The following KCND2 variants were observed in gnomAD, a reference collection of about 807,000 sequenced individuals.
KCND2 encodes potassium voltage-gated channel subfamily D member 2.
A neutral mutation model predicts 54.4 loss-of-function variants in KCND2; 16 were observed. The observed-to-expected ratio is 0.29, with a 90% CI of 0.20 to 0.45. The LOEUF is 0.45. Ranked by LOEUF, KCND2 falls within the 20% of genes least tolerant of loss-of-function variation. The pLI is 1.00. For missense variants in KCND2, 486 were observed against 824.2 expected (o/e 0.59, Z 5.02); for synonymous variants, 317 against 310.7 (o/e 1.02, Z -0.21).
intron 1 of KCND2, among the ~76,000 whole-genome samples, chr7:120,337,186 A>G (rs938233894): frequency 6.6e-6 from 1 of 152,208 alleles, no homozygotes; most frequent in East Asian, 1.9e-4. Context: ...GAGGAACTGG[A>G]TAATATTGTT....
At chr7:120,512,174 T>A (rs180749915) in intron 1 of KCND2, among the ~76,000 whole-genome samples, 60 of 152,180 alleles carry the variant, frequency 3.9e-4, no homozygotes, top group African/African-American at 1.4e-3. Flanking sequence ...AGAATTAATG[T>A]ATTTCAAAAA....
At chr7:120,322,480 A>G (rs1030704499) in intron 1 of KCND2, among the ~76,000 whole-genome samples, 1 of 152,134 alleles carries the variant, frequency 6.6e-6, no homozygotes, top group Non-Finnish European at 1.5e-5. Flanking sequence ...GTTAAAGTTT[A>G]TGGTGTTTTA....
intron 1 of KCND2, among the ~76,000 whole-genome samples, chr7:120,496,984 G>T (rs1040635400): frequency 1.3e-5 from 2 of 152,130 alleles, no homozygotes; most frequent in South Asian, 4.1e-4. Flanking sequence ...CTGGCTTAAT[G>T]ATTATGATAA....
At chr7:120,453,385 C>T (rs1802145730) in intron 1 of KCND2, among the ~76,000 whole-genome samples, 1 of 152,176 alleles carries the variant, frequency 6.6e-6, no homozygotes, top group African/African-American at 2.4e-5. Context: ...CCACAGTGAA[C>T]CAGCTCATGA....
At chr7:120,417,296 G>C (rs186084964) in intron 1 of KCND2, among the ~76,000 whole-genome samples, 6 of 152,166 alleles carry the variant, frequency 3.9e-5, no homozygotes, top group Admixed American at 2.0e-4. Context: ...TTAGTCTGTG[G>C]AAATCAAATT....
chr7:120,474,888 T>C, intron 1 of KCND2, among the ~76,000 whole-genome samples: 1 of 152,142 alleles, frequency 6.6e-6, no homozygotes, highest in East Asian at 1.9e-4. Flanking sequence ...GTTTTCAATT[T>C]TTTTTTTAAA....
intron 1 of KCND2, among the ~76,000 whole-genome samples, chr7:120,451,320 A>G (rs1201673844): frequency 1.3e-5 from 2 of 152,284 alleles, no homozygotes; most frequent in Non-Finnish European, 1.5e-5. Flanking sequence ...AAATATATAT[A>G]TATTAAGAAT....
At chr7:120,322,197 A>G (rs1799901309) in intron 1 of KCND2, among the ~76,000 whole-genome samples, 1 of 152,092 alleles carries the variant, frequency 6.6e-6, no homozygotes, top group South Asian at 2.1e-4. Flanking sequence ...CATAATTAAA[A>G]TCAATGGAGG....
At chr7:120,409,144 A>T (rs896767027) in intron 1 of KCND2, among the ~76,000 whole-genome samples, 1 of 151,926 alleles carries the variant, frequency 6.6e-6, no homozygotes, top group Non-Finnish European at 1.5e-5. Context: ...CTGGGAAATG[A>T]TGTGGCATAG....
intron 1 of KCND2, among the ~76,000 whole-genome samples, chr7:120,409,484 A>T (rs555638490): frequency 1.3e-5 from 2 of 151,944 alleles, no homozygotes; most frequent in African/African-American, 4.8e-5. Context: ...ACTTTCCCAA[A>T]TTTTTTGCCG....
chr7:120,560,670 G>A (rs1404015117), intron 1 of KCND2, among the ~76,000 whole-genome samples: 3 of 152,050 alleles, frequency 2.0e-5, no homozygotes, highest in Non-Finnish European at 2.9e-5. Context: ...TCTGTCTACC[G>A]GCCTGTCTCA....
In KCND2 at chr7:120,472,562, T is replaced by TACACAC. The variant is rs10679656; in HGVS notation, c.1115+196833_1115+196838dup. 3.3e-4 allele frequency among the ~76,000 whole-genome samples: 50 copies of TACACAC among 149,634 alleles called. No homozygotes were observed. The South Asian group carries it at 4.2e-3, about 13-fold the overall frequency. On this transcript the variant is annotated intron_variant, in intron 1 of 5. Coordinates refer to ENST00000331113, the MANE Select transcript of KCND2 (RefSeq NM_012281.3). ...CACCTGATTGTTATGAGACTTTAAA[T>TACACAC]ACACACACACACACACACACACAGT...
At chr7:120,491,136 A>C (rs140305839) in intron 1 of KCND2, among the ~76,000 whole-genome samples, 459 of 152,270 alleles carry the variant, frequency 3.0e-3, no homozygotes, top group African/African-American at 0.011. Context: ...AATTTTGATC[A>C]GATAGATTTA....
chr7:120,335,434 G>T (rs907138274), intron 1 of KCND2, among the ~76,000 whole-genome samples: 3 of 145,092 alleles, frequency 2.1e-5, no homozygotes, highest in African/African-American at 7.9e-5. Context: ...TCCATGGCTT[G>T]CTTTATTTAT....
At chr7:120,428,896 TA>T (rs1167638177) in intron 1 of KCND2, among the ~76,000 whole-genome samples, 1 of 152,196 alleles carries the variant, frequency 6.6e-6, no homozygotes, top group Non-Finnish European at 1.5e-5. Flanking sequence ...AAAGGTCCTT[TA>T]TTTTTACCTC....
chr7:120,426,159 G>T (rs1584773866), intron 1 of KCND2, among the ~76,000 whole-genome samples: 2 of 151,688 alleles, frequency 1.3e-5, no homozygotes, highest in African/African-American at 2.4e-5. Flanking sequence ...TTCACTAAAT[G>T]GAAAGAAGAA....
At chr7:120,311,317 T>G (rs1257278729) in intron 1 of KCND2, among the ~76,000 whole-genome samples, 1 of 152,180 alleles carries the variant, frequency 6.6e-6, no homozygotes, top group Admixed American at 6.6e-5. Flanking sequence ...ATTATCCAAA[T>G]TGCCTTTGTT....
At chr7:120,339,523 G>GTT (rs1444524117) in intron 1 of KCND2, among the ~76,000 whole-genome samples, 1 of 149,710 alleles carries the variant, frequency 6.7e-6, no homozygotes, top group African/African-American at 2.5e-5. Context: ...GTGTGTGTGT[G>GTT]TGTGTGTGTG....
intron 1 of KCND2, among the ~76,000 whole-genome samples, chr7:120,368,001 C>T (rs749266106): frequency 2.0e-5 from 3 of 151,996 alleles, no homozygotes; most frequent in Non-Finnish European, 2.9e-5. Flanking sequence ...TAATTCAGCC[C>T]GGCAAGCCGT....
Sources: allele counts gnomAD v4.1 joint callset (sites outside exome capture counted in the v4.1 genomes callset), GRCh38; gene constraint gnomAD v4.1.1; transcripts MANE v1.5; gene names NCBI Gene and HGNC (gene_info 2026-07-23, HGNC 2026-07-21).